GTF2H5: variants seen among roughly 807,000 people sequenced by gnomAD.
The protein encoded by GTF2H5 is TFB5 ortholog.
Under a neutral mutation model 7.1 loss-of-function variants are expected in GTF2H5, and 5 were observed. That is an observed-to-expected ratio of 0.71 (90% CI 0.37 to 1.49). GTF2H5 has a LOEUF of 1.49. GTF2H5 is among the 40% of genes most tolerant of loss of function. GTF2H5 has a pLI of 0.03. For synonymous variants in GTF2H5, 30 were observed against 31.7 expected, an observed-to-expected ratio of 0.95 and a Z score of 0.18; for missense variants, 80 against 83.0, an observed-to-expected ratio of 0.96 and a Z score of 0.14.
At chr6:158,169,824 AGT>A (rs1302713264) in intron 1 of GTF2H5, among the ~76,000 whole-genome samples, 1 of 105,954 alleles carries the variant, frequency 9.4e-6, no homozygotes, top group Non-Finnish European at 1.8e-5. Flanking sequence ...TATATATAAA[AGT>A]GTGTATATAT....
rs1777078923 is a variant in GTF2H5 at position 158,194,545 on chromosome 6, T to C, written c.*2388T>C. ...GCTCTGCCAGACACAAACTCAAGGC[T>C]TTATGGTGTATCTCTTGAGCGAAAT... On this transcript the variant is annotated 3_prime_UTR_variant, in exon 3 of 3. Coordinates refer to ENST00000607778, the MANE Select transcript of GTF2H5 (RefSeq NM_207118.3). 6.6e-6 allele frequency: 1 copy of C among 152,156 alleles called. No homozygotes were observed. The highest frequency in any genetic ancestry group is 1.5e-5 in the Non-Finnish European group (1 of 68,036). 9.4% of individuals were successfully genotyped at this position (152,156 alleles called of 1,614,324 possible). A position where few individuals can be genotyped will look rare whatever the true frequency, so the allele number is the denominator to read the frequency against.
chr6:158,182,783 T>A (rs1373978174), intron 2 of GTF2H5, among the ~76,000 whole-genome samples: 1 of 152,054 alleles, frequency 6.6e-6, no homozygotes, highest in East Asian at 1.9e-4. Context: ...CGTCTAAACT[T>A]TTTTCAAGGT....
chr6:158,169,483 A>G lies in GTF2H5; in HGVS notation c.-34-987A>G, dbSNP rs11757850. Among the ~76,000 whole-genome samples the G allele has an allele frequency of 7.1e-4, 41 of 57,918 alleles. 3 individuals are homozygous for G. The East Asian group carries it at 0.011, about 15-fold the overall frequency. The allele number at this position is 57,918 out of a possible 152,430, so 38.0% of individuals were successfully genotyped here. On this transcript the variant is annotated intron_variant, in intron 1 of 2. Coordinates refer to ENST00000607778, the MANE Select transcript of GTF2H5 (RefSeq NM_207118.3). ...TATATTATATTGTATATTATATATA[A>G]TATATTGTATATTATATAATATATT...
chr6:158,182,855 G>A (rs893246208), intron 2 of GTF2H5, among the ~76,000 whole-genome samples: 4 of 151,922 alleles, frequency 2.6e-5, no homozygotes, highest in Admixed American at 6.6e-5. Flanking sequence ...TGTTATTACC[G>A]ACCTTCTGAA....
At chr6:158,171,427 A>C (rs904317869) in intron 2 of GTF2H5, among the ~76,000 whole-genome samples, 6 of 152,218 alleles carry the variant, frequency 3.9e-5, no homozygotes, top group African/African-American at 1.4e-4. Context: ...CTAGTGGGCT[A>C]CCTTATGCAT....
At position 158,169,462 on chromosome 6, in the gene GTF2H5, T is replaced by TAA. The variant is rs1562468201; in HGVS notation, c.-34-1008_-34-1007insAA. Reference sequence around the variant, plus strand: ...TTATATATATTATATATTATATATATTATATTGTATATTATATATAATATA... The same window carrying TAA: ...TTATATATATTATATATTATATATATAATATATTGTATATTATATATAATATA... On this transcript the variant is annotated intron_variant, in intron 1 of 2. Transcript: ENST00000607778. 3.7e-3 allele frequency among the ~76,000 whole-genome samples: 257 copies of TAA among 69,814 alleles called. 12 individuals carry two copies. The highest frequency in any genetic ancestry group is 0.021 in the African/African-American group (242 of 11,286). The allele number at this position is 69,814 out of a possible 152,430, so 45.8% of individuals were successfully genotyped here. A position where few individuals can be genotyped will look rare whatever the true frequency, so the allele number is the denominator to read the frequency against.
At position 158,192,498 on chromosome 6, in the gene GTF2H5, C is replaced by T. The variant is rs139663532; in HGVS notation, c.*341C>T. 2.4e-3 allele frequency: 691 copies of T among 282,836 alleles called. 3 individuals are homozygous for T. Among genetic ancestry groups the T allele is most frequent in the African/African-American group, 0.014 (628 of 45,206 alleles). The allele number at this position is 282,836 out of a possible 1,614,324, so 17.5% of individuals were successfully genotyped here. A position where few individuals can be genotyped will look rare whatever the true frequency, so the allele number is the denominator to read the frequency against. ...CCCTGTGATCTGTGCATTTTTGCTGCGTGGATGTGATTGTTTGGTTTCAGT... is the reference window on the plus strand; with the variant it reads ...CCCTGTGATCTGTGCATTTTTGCTGTGTGGATGTGATTGTTTGGTTTCAGT... On this transcript the variant is annotated 3_prime_UTR_variant, in exon 3 of 3. Coordinates refer to ENST00000607778, the MANE Select transcript of GTF2H5 (RefSeq NM_207118.3).
At position 158,168,387 on chromosome 6, in the gene GTF2H5, T is replaced by C. The variant is rs1371367520; in HGVS notation, c.-43T>C. The C allele has an allele frequency of 6.6e-6, 1 of 152,306 alleles. No homozygotes were observed. Among genetic ancestry groups the C allele is most frequent in the African/African-American group, 2.4e-5 (1 of 41,456 alleles). 9.4% of individuals were successfully genotyped at this position (152,306 alleles called of 1,614,324 possible). ...CAACGCCGAGGCGCTTCTGCATCTG[T>C]GGGCCGAGGTGTGTGGCGAGCGTCC... On this transcript the variant is annotated 5_prime_UTR_variant, in exon 1 of 3. Coordinates refer to ENST00000607778, the MANE Select transcript of GTF2H5 (RefSeq NM_207118.3).
intron 1 of GTF2H5, among the ~76,000 whole-genome samples, chr6:158,169,912 C>T (rs1004436233): frequency 6.7e-6 from 1 of 148,326 alleles, no homozygotes; most frequent in African/African-American, 2.5e-5. Context: ...CCCAGCTACT[C>T]GGGAGGCTGA....
intron 1 of GTF2H5, among the ~76,000 whole-genome samples, chr6:158,170,207 G>T (rs1049861735): frequency 1.3e-5 from 2 of 152,216 alleles, no homozygotes; most frequent in African/African-American, 4.8e-5. Context: ...CTGGTGTAGA[G>T]TTAGGCCTCT....
At chr6:158,184,031 T>C (rs1776855517) in intron 2 of GTF2H5, among the ~76,000 whole-genome samples, 1 of 152,208 alleles carries the variant, frequency 6.6e-6, no homozygotes, top group Non-Finnish European at 1.5e-5. Context: ...TTTGGCCATC[T>C]TGGAAGTGAC....
chr6:158,175,903 A>C (rs1785926580), intron 2 of GTF2H5, among the ~76,000 whole-genome samples: 1 of 152,242 alleles, frequency 6.6e-6, no homozygotes, highest in African/African-American at 2.4e-5. Flanking sequence ...AGACATTTTA[A>C]GTGATTCAGG....
chr6:158,194,158 A>C lies in GTF2H5; in HGVS notation c.*2001A>C, dbSNP rs1424253685. The C allele has an allele frequency of 6.6e-6, 1 of 152,210 alleles. No individual in the cohort carries two copies. The highest frequency in any genetic ancestry group is 1.9e-4 in the East Asian group (1 of 5,202). The allele number at this position is 152,210 out of a possible 1,614,324, so 9.4% of individuals were successfully genotyped here. ...TTTTTGATAGAATCCCAGAGTTCAAAAGGTATTAGGATTTTTGCCACTGAA... is the reference window on the plus strand; with the variant it reads ...TTTTTGATAGAATCCCAGAGTTCAACAGGTATTAGGATTTTTGCCACTGAA... On this transcript the variant is annotated 3_prime_UTR_variant, in exon 3 of 3. Transcript: ENST00000607778.
intron 1 of GTF2H5, among the ~76,000 whole-genome samples, chr6:158,169,686 A>ATATATTGTATATAATATATTGTATAT (rs1491100832): frequency 1.3e-4 from 4 of 29,760 alleles, no homozygotes; most frequent in African/African-American, 8.2e-4. Flanking sequence ...ATAATATATA[A>ATATATTGTATATAATATATTGTATAT]TATATATTAT....
rs886079118 is a variant in GTF2H5, at chr6:158,192,754, C to T, written c.*597C>T. On this transcript the variant is annotated 3_prime_UTR_variant, in exon 3 of 3. Coordinates refer to ENST00000607778, the MANE Select transcript of GTF2H5 (RefSeq NM_207118.3). ...TTTGTTTAGTTTTTCCTTGTTCAAA[C>T]TTTGTTGGTCACATTTTCCCATCTG... 3.2e-5 allele frequency: 5 copies of T among 154,680 alleles called. No homozygotes were observed. The highest frequency in any genetic ancestry group is 1.2e-4 in the African/African-American group (5 of 41,306). 9.6% of individuals were successfully genotyped at this position (154,680 alleles called of 1,614,324 possible).
intron 2 of GTF2H5, among the ~76,000 whole-genome samples, chr6:158,183,867 C>T (rs938787500): frequency 2.0e-5 from 3 of 152,334 alleles, no homozygotes; most frequent in East Asian, 1.9e-4. Flanking sequence ...CTGGGTGAGG[C>T]GACACCCTGC....
At chr6:158,186,614 G>T (rs941955018) in intron 2 of GTF2H5, among the ~76,000 whole-genome samples, 1 of 152,214 alleles carries the variant, frequency 6.6e-6, no homozygotes, top group African/African-American at 2.4e-5. Context: ...CAAGGTTAAG[G>T]ACATGCCCAT....
intron 2 of GTF2H5, among the ~76,000 whole-genome samples, chr6:158,172,521 A>T (rs1407124601): frequency 6.6e-6 from 1 of 151,892 alleles, no homozygotes; most frequent in Non-Finnish European, 1.5e-5. Context: ...GCTGGTCTCG[A>T]TCTCTTGACC....
At chr6:158,177,028 G>C (rs961358339) in intron 2 of GTF2H5, among the ~76,000 whole-genome samples, 1 of 152,230 alleles carries the variant, frequency 6.6e-6, no homozygotes, top group Non-Finnish European at 1.5e-5. Flanking sequence ...GCCTTCCAGC[G>C]TGGGTGTCAT....
Sources: gnomAD v4.1 joint callset for allele counts (sites outside exome capture counted in the v4.1 genomes callset) on GRCh38, gnomAD v4.1.1 for gene constraint, MANE v1.5 for transcripts, NCBI Gene and HGNC (gene_info 2026-07-23, HGNC 2026-07-21) for gene names.